Variants in SAXO1 observed in about 807,000 individuals in gnomAD.
The protein encoded by SAXO1 is 4930500O09Rik.
SAXO1 carries 21 observed loss-of-function variants against 17.5 expected under a neutral mutation model. The observed-to-expected ratio is 1.20, with a 90% confidence interval of 0.85 to 1.72. SAXO1 has a LOEUF of 1.72. Ranked by LOEUF, SAXO1 falls within the 40% of genes most tolerant of loss-of-function variation. The pLI is 0.00. For missense variants in SAXO1, 843 were observed against 596.0 expected, an observed-to-expected ratio of 1.41 and a Z score of -4.32; for synonymous variants, 274 against 216.5, an observed-to-expected ratio of 1.27 and a Z score of -2.33.
intron 1 of SAXO1, among the ~76,000 whole-genome samples, chr9:19,043,830 G>A (rs1588579059): frequency 6.6e-6 from 1 of 151,788 alleles, no homozygotes; most frequent in East Asian, 1.9e-4. Flanking sequence ...TAATTTCATT[G>A]TACATTCAAA....
chr9:19,016,292 T>C (rs1196010331), intron 1 of SAXO1, among the ~76,000 whole-genome samples: 1 of 151,984 alleles, frequency 6.6e-6, no homozygotes, highest in Non-Finnish European at 1.5e-5. Flanking sequence ...AAAAATTAGC[T>C]GGGCATGGTG....
intron 1 of SAXO1, among the ~76,000 whole-genome samples, chr9:18,996,685 C>T (rs7848929): frequency 0.52 from 79,436 of 151,878 alleles, 22,108 homozygotes; most frequent in Non-Finnish European, 0.63. Context: ...GAAATAGAAA[C>T]GTCATAACAT....
intron 1 of SAXO1, among the ~76,000 whole-genome samples, chr9:18,970,982 G>T (rs1194435631): frequency 6.6e-6 from 1 of 152,044 alleles, no homozygotes; most frequent in Non-Finnish European, 1.5e-5. Flanking sequence ...TTCTCTAAAC[G>T]TGGCCCTGTC....
intron 1 of SAXO1, among the ~76,000 whole-genome samples, chr9:18,970,981 C>T (rs1001557042): frequency 1.3e-5 from 2 of 152,142 alleles, no homozygotes; most frequent in East Asian, 1.9e-4. Flanking sequence ...CTTCTCTAAA[C>T]GTGGCCCTGT....
intron 1 of SAXO1, among the ~76,000 whole-genome samples, chr9:18,992,990 G>C (rs1833868324): frequency 6.6e-6 from 1 of 152,078 alleles, no homozygotes; most frequent in Non-Finnish European, 1.5e-5. Context: ...AGTAGAGACA[G>C]GGTTTCTCCA....
At chr9:19,048,259 C>G (rs1178078502) in intron 1 of SAXO1, among the ~76,000 whole-genome samples, 3 of 152,184 alleles carry the variant, frequency 2.0e-5, no homozygotes, top group African/African-American at 7.2e-5. Flanking sequence ...GAGTTCCAGA[C>G]CAGCCTGGCC....
At chr9:19,034,025 T>G (rs747522590), upstream of SAXO1, among the ~76,000 whole-genome samples, 1 of 152,164 alleles carries the variant, frequency 6.6e-6, no homozygotes, top group Non-Finnish European at 1.5e-5. Context: ...AGTCCGGGAA[T>G]CTAGCTTCAA....
At chr9:19,036,355 T>C (rs953847342), upstream of SAXO1, among the ~76,000 whole-genome samples, 1 of 151,974 alleles carries the variant, frequency 6.6e-6, no homozygotes, top group Non-Finnish European at 1.5e-5. Context: ...AAGTGACAAG[T>C]AGCCAAATGT....
At chr9:18,981,177 T>A (rs1180490356) in intron 1 of SAXO1, among the ~76,000 whole-genome samples, 2 of 152,236 alleles carry the variant, frequency 1.3e-5, no homozygotes, top group Non-Finnish European at 2.9e-5. Context: ...TCTAGGTTAT[T>A]TCTTTGTGAT....
rs570024302 is a variant in SAXO1, at chr9:19,002,728, C to T, written c.38+30143G>A. 3.0e-3 allele frequency among the ~76,000 whole-genome samples: 460 copies of T among 152,218 alleles called. 8 individuals carry two copies. In the South Asian group the frequency reaches 0.044, roughly 15 times the overall value. ...CTAAAAACTCTCAATAAACTAGGTACTGATGGAATGTATCTCAAAATAGTA... is the reference window on the plus strand; with the variant it reads ...CTAAAAACTCTCAATAAACTAGGTATTGATGGAATGTATCTCAAAATAGTA... On this transcript the variant is annotated intron_variant, in intron 1 of 3. Transcript: ENST00000380534.
At chr9:18,964,685 G>A (rs1333160994) in intron 1 of SAXO1, among the ~76,000 whole-genome samples, 1 of 151,992 alleles carries the variant, frequency 6.6e-6, no homozygotes, top group Non-Finnish European at 1.5e-5. Context: ...GGTCTACTTT[G>A]TTAATCTTTT....
At chr9:18,975,477 T>G (rs1378918059) in intron 1 of SAXO1, among the ~76,000 whole-genome samples, 20 of 152,172 alleles carry the variant, frequency 1.3e-4, no homozygotes, top group Admixed American at 1.3e-3. Context: ...GCACCTGAAA[T>G]GGAATCATTT....
intron 1 of SAXO1, among the ~76,000 whole-genome samples, chr9:18,988,470 T>C (rs1434551928): frequency 6.6e-6 from 1 of 152,244 alleles, no homozygotes; most frequent in Non-Finnish European, 1.5e-5. Flanking sequence ...AATGTCTTTA[T>C]GTGTATGTAT....
At chr9:19,007,157 G>A (rs965825539) in intron 1 of SAXO1, among the ~76,000 whole-genome samples, 21 of 151,952 alleles carry the variant, frequency 1.4e-4, no homozygotes, top group African/African-American at 5.1e-4. Context: ...GACCATCCTG[G>A]CCAACATGGT....
intron 1 of SAXO1, among the ~76,000 whole-genome samples, chr9:19,019,546 T>G (rs1835138890): frequency 6.6e-6 from 1 of 151,992 alleles, no homozygotes; most frequent in African/African-American, 2.4e-5. Context: ...CTGGCCAAAA[T>G]GGTGAAACCC....
chr9:19,027,050 G>T, intron 1 of SAXO1: 1 of 839,676 alleles, frequency 1.2e-6, no homozygotes. Context: ...TCCAAGCCAT[G>T]AAGGACAAGA....
At chr9:19,024,825 A>G (rs936103002) in intron 1 of SAXO1, among the ~76,000 whole-genome samples, 1 of 152,152 alleles carries the variant, frequency 6.6e-6, no homozygotes, top group African/African-American at 2.4e-5. Context: ...CATCTTTCCA[A>G]ATAAACTATA....
chr9:19,048,389 G>A (rs1410825744), intron 1 of SAXO1, among the ~76,000 whole-genome samples: 1 of 152,060 alleles, frequency 6.6e-6, no homozygotes, highest in Non-Finnish European at 1.5e-5. Flanking sequence ...CTCAGGAGGC[G>A]TAGGTTGCAG....
chr9:18,929,260 C>T (rs1330747347), intron 3 of SAXO1, among the ~76,000 whole-genome samples: 2 of 152,190 alleles, frequency 1.3e-5, no homozygotes, highest in African/African-American at 4.8e-5. Flanking sequence ...GACAAATCTA[C>T]AGGAGCTCTC....
Sources: gnomAD v4.1 joint callset for allele counts (sites outside exome capture counted in the v4.1 genomes callset) on GRCh38, gnomAD v4.1.1 for gene constraint, MANE v1.5 for transcripts, NCBI Gene and HGNC (gene_info 2026-07-23, HGNC 2026-07-21) for gene names.